Variants in SPATA31A5 observed in about 807,000 individuals in gnomAD.
SPATA31A5 encodes spermatogenesis-associated protein 31A5.
intron 1 of SPATA31A5, among the ~76,000 whole-genome samples, chr9:60,915,201 G>GTGTGTGTA (rs1401697946): frequency 3.5e-5 from 4 of 112,774 alleles, no homozygotes; most frequent in African/African-American, 6.9e-5. Flanking sequence ...GTGTGTGTGT[G>GTGTGTGTA]TGTGTGTGTG....
chr9:60,915,111 C>A (rs1825493608), intron 1 of SPATA31A5, among the ~76,000 whole-genome samples: 1 of 61,486 alleles, frequency 1.6e-5, no homozygotes. Flanking sequence ...TGCCTGCGGG[C>A]CTGAACTTGG....
Position 60,914,423 on chromosome 9 carries a change from C to G in SPATA31A5, c.-13C>G. 1 of 66 alleles carries G rather than the reference C, an allele frequency of 0.015. No individual in the cohort carries two copies. Among genetic ancestry groups the G allele is most frequent in the Non-Finnish European group, 0.12 (1 of 8 alleles). 0.0% of individuals were successfully genotyped at this position (66 alleles called of 1,614,324 possible). A position where few individuals can be genotyped will look rare whatever the true frequency, so the allele number is the denominator to read the frequency against. ...CCAGAGCTCAGTTGCTTGAAAGCAA[C>G]GCGCCTATTCACATGGAGAATCTTC... On this transcript the variant is annotated 5_prime_UTR_variant, in exon 1 of 4. Coordinates refer to ENST00000437823, the MANE Select transcript of SPATA31A5 (RefSeq NM_001113541.3).
At chr9:60,915,120 G>C (rs1377997032) in intron 1 of SPATA31A5, among the ~76,000 whole-genome samples, 2 of 70,966 alleles carry the variant, frequency 2.8e-5, no homozygotes, top group Non-Finnish European at 5.9e-5. Context: ...GCCTGAACTT[G>C]GGTGTTCCTG....
chr9:60,915,250 T>TTTTTA (rs758221670), intron 1 of SPATA31A5, among the ~76,000 whole-genome samples: 130 of 87,408 alleles, frequency 1.5e-3, no homozygotes, highest in Admixed American at 1.9e-3. Context: ...GTGTGTGTTA[T>TTTTTA]TTTTATTTTA....
intron 1 of SPATA31A5, among the ~76,000 whole-genome samples, chr9:60,915,187 CTGTGTGTG>C (rs1161833993): frequency 3.2e-3 from 248 of 76,766 alleles, no homozygotes; most frequent in African/African-American, 0.011. Flanking sequence ...GAAAATCCCT[CTGTGTGTG>C]TGTGTGTGTG....
rs1218038141 is a variant in SPATA31A5 at position 60,915,158 on chromosome 9, C to G, written c.189+534C>G. ...GCAGAGGAACAGGGACTGAAGGTGT[C>G]CGTGGTGGACCTCATATTGAAAATC... On this transcript the variant is annotated intron_variant, in intron 1 of 3. Coordinates refer to ENST00000437823, the MANE Select transcript of SPATA31A5 (RefSeq NM_001113541.3). Among the ~76,000 whole-genome samples the G allele has an allele frequency of 4.8e-5, 4 of 83,008 alleles. 1 individual carries two copies. The highest frequency in any genetic ancestry group is 7.5e-5 in the Non-Finnish European group (3 of 39,904). 54.5% of individuals were successfully genotyped at this position (83,008 alleles called of 152,430 possible).
intron 1 of SPATA31A5, among the ~76,000 whole-genome samples, chr9:60,915,162 G>A (rs1239611488): frequency 1.1e-5 from 1 of 88,980 alleles, no homozygotes; most frequent in Non-Finnish European, 2.4e-5. Flanking sequence ...AGGTGTCCGT[G>A]GTGGACCTCA....
At chr9:60,915,256 TTTTA>T in intron 1 of SPATA31A5, among the ~76,000 whole-genome samples, 1 of 33,794 alleles carries the variant, frequency 3.0e-5, no homozygotes, top group Admixed American at 2.8e-4. Context: ...GTTATTTTTA[TTTTA>T]TTTTATTTTA....
At chr9:60,915,255 ATTTT>A (rs1825499783) in intron 1 of SPATA31A5, among the ~76,000 whole-genome samples, 11 of 29,736 alleles carry the variant, frequency 3.7e-4, no homozygotes. Context: ...TGTTATTTTT[ATTTT>A]ATTTTATTTT....
At chr9:60,915,225 A>G (rs1228990711) in intron 1 of SPATA31A5, among the ~76,000 whole-genome samples, 13 of 111,246 alleles carry the variant, frequency 1.2e-4, no homozygotes, top group African/African-American at 3.4e-4. Flanking sequence ...GTGTGTGTGT[A>G]TTTTTATTTT....
In SPATA31A5 at chr9:60,915,250, TTTTTATTTTATTTTA is replaced by T. The variant is rs758221670; in HGVS notation, c.190-538_190-524del. On this transcript the variant is annotated intron_variant, in intron 1 of 3. Transcript: ENST00000437823. Reference sequence around the variant, plus strand: ...ATTTTTATTTTATTTGTGTGTGTTATTTTTATTTTATTTTATTTTATTTTATTTTATTTTATTTTA... The same window carrying T: ...ATTTTTATTTTATTTGTGTGTGTTATTTTTATTTTATTTTATTTTATTTTA... 8.2e-3 allele frequency among the ~76,000 whole-genome samples: 715 copies of T among 87,240 alleles called. 2 individuals are homozygous for T. Among genetic ancestry groups the T allele is most frequent in the African/African-American group, 0.023 (546 of 24,058 alleles). The allele number at this position is 87,240 out of a possible 152,430, so 57.2% of individuals were successfully genotyped here. A position where few individuals can be genotyped will look rare whatever the true frequency, so the allele number is the denominator to read the frequency against.
intron 1 of SPATA31A5, among the ~76,000 whole-genome samples, chr9:60,915,156 G>C (rs1280279923): frequency 1.1e-5 from 1 of 88,354 alleles, no homozygotes; most frequent in Non-Finnish European, 2.4e-5. Flanking sequence ...GACTGAAGGT[G>C]TCCGTGGTGG....
chr9:60,915,185 C>CTG (rs1358401396), intron 1 of SPATA31A5, among the ~76,000 whole-genome samples: 1 of 80,772 alleles, frequency 1.2e-5, no homozygotes, highest in Admixed American at 1.0e-4. Context: ...TTGAAAATCC[C>CTG]TCTGTGTGTG....
chr9:60,915,217 G>A (rs1825497222), intron 1 of SPATA31A5, among the ~76,000 whole-genome samples: 1 of 117,282 alleles, frequency 8.5e-6, no homozygotes, highest in East Asian at 2.1e-4. Flanking sequence ...GTGTGTGTGT[G>A]TGTGTGTATT....
At chr9:60,915,264 T>C (rs1189563308) in intron 1 of SPATA31A5, among the ~76,000 whole-genome samples, 481 of 91,054 alleles carry the variant, frequency 5.3e-3, no homozygotes, top group Admixed American at 0.01. Context: ...TATTTTATTT[T>C]ATTTTATTTT....
At chr9:60,915,154 G>A (rs1290002611) in intron 1 of SPATA31A5, among the ~76,000 whole-genome samples, 1 of 87,940 alleles carries the variant, frequency 1.1e-5, no homozygotes, top group Admixed American at 1.0e-4. Flanking sequence ...GGGACTGAAG[G>A]TGTCCGTGGT....
At chr9:60,915,222 T>C (rs1825497394) in intron 1 of SPATA31A5, among the ~76,000 whole-genome samples, 1 of 118,992 alleles carries the variant, frequency 8.4e-6, no homozygotes, top group Non-Finnish European at 1.9e-5. Flanking sequence ...TGTGTGTGTG[T>C]GTATTTTTAT....
chr9:60,915,187 CTGTGTGTGTGTGTGTGTGTG>C (rs1161833993), intron 1 of SPATA31A5, among the ~76,000 whole-genome samples: 1 of 77,008 alleles, frequency 1.3e-5, no homozygotes, highest in Non-Finnish European at 2.7e-5. Context: ...GAAAATCCCT[CTGTGTGTGTGTGTGTGTGTG>C]TGTGTGTGTG....
chr9:60,915,145 G>A (rs9645012), intron 1 of SPATA31A5, among the ~76,000 whole-genome samples: 111 of 81,078 alleles, frequency 1.4e-3, no homozygotes, highest in African/African-American at 5.8e-3. Flanking sequence ...AGAGGAACAG[G>A]GACTGAAGGT....
Sources: gnomAD v4.1 joint callset for allele counts (sites outside exome capture counted in the v4.1 genomes callset) on GRCh38, gnomAD v4.1.1 for gene constraint, MANE v1.5 for transcripts, NCBI Gene and HGNC (gene_info 2026-07-23, HGNC 2026-07-21) for gene names.